SUPT4H1: variants seen among roughly 807,000 people sequenced by gnomAD.
SUPT4H1 encodes transcription elongation factor SPT4.
A neutral mutation model predicts 19.4 loss-of-function variants in SUPT4H1; 12 were observed. The ratio of observed to expected loss-of-function variants is 0.62; its 90% confidence interval spans 0.40 to 1.00. SUPT4H1 has a LOEUF of 1.00. Among genes scored for constraint, SUPT4H1 ranks in the 50% least tolerant of loss-of-function variants. The probability of loss-of-function intolerance (pLI) is 0.00; values close to 1 mark genes in which losing one functional copy is unlikely to be tolerated. For synonymous variants in SUPT4H1, 58 were observed against 56.3 expected, an observed-to-expected ratio of 1.03 and a Z score of -0.14; for missense variants, 115 against 149.2, an observed-to-expected ratio of 0.77 and a Z score of 1.19.
rs117990663 is a variant in SUPT4H1 at position 58,346,924 on chromosome 17, G to C, written c.286+264C>G. Among the ~76,000 whole-genome samples, 1,001 of 151,986 alleles carry C rather than the reference G, an allele frequency of 6.6e-3. 6 individuals carry two copies. The highest frequency in any genetic ancestry group is 9.9e-3 in the Non-Finnish European group (670 of 67,958). On this transcript the variant is annotated intron_variant, in intron 4 of 4. Coordinates refer to ENST00000225504, the MANE Select transcript of SUPT4H1 (RefSeq NM_003168.3). ...AGCCCAGGAGTTAGAGTCCAGCCTGGGCAACATAGTGAGACCTTGTCTCTA... is the reference window on the plus strand; with the variant it reads ...AGCCCAGGAGTTAGAGTCCAGCCTGCGCAACATAGTGAGACCTTGTCTCTA...
At chr17:58,351,877 C>G (rs1486214087) in intron 1 of SUPT4H1, 190 bp downstream of exon 1, 11 of 626,114 alleles carry the variant, frequency 1.8e-5, no homozygotes, top group African/African-American at 5.5e-5. Context: ...AAGACCGCCC[C>G]TGCCCTCAGC....
At chr17:58,347,736 G>T in intron 2 of SUPT4H1, 152 bp from the exon 3 acceptor site, 1 of 710,056 alleles carries the variant, frequency 1.4e-6, no homozygotes, top group South Asian at 1.6e-5. Context: ...CTGACTCAAA[G>T]CTAGGACTGA....
At chr17:58,349,781 A>C (rs2526376) in intron 2 of SUPT4H1, among the ~76,000 whole-genome samples, 88,485 of 151,924 alleles carry the variant, frequency 0.58, 25,917 homozygotes, top group Non-Finnish European at 0.62. Context: ...AAAGAAGCTA[A>C]AAAATGCTAC....
At chr17:58,350,460 G>A (rs1459701833) in intron 2 of SUPT4H1, among the ~76,000 whole-genome samples, 25 of 151,938 alleles carry the variant, frequency 1.6e-4, no homozygotes, top group African/African-American at 5.3e-4. Context: ...GCAGTGAGCC[G>A]AGATTGCGCC....
chr17:58,350,653 T>C (rs1187042987), intron 2 of SUPT4H1, among the ~76,000 whole-genome samples: 1 of 151,478 alleles, frequency 6.6e-6, no homozygotes, highest in African/African-American at 2.4e-5. Flanking sequence ...CTGGCCAACA[T>C]GGTGAAACCC....
chr17:58,351,208 T>C (rs1169647082), intron 2 of SUPT4H1, among the ~76,000 whole-genome samples, 194 bp downstream of exon 2: 1 of 138,798 alleles, frequency 7.2e-6, no homozygotes. Flanking sequence ...GCTATGATCA[T>C]GCCACTGCAC....
rs374438210 is a variant in SUPT4H1 at position 58,351,734 on chromosome 17, G to T, written c.70-226C>A. The T allele has an allele frequency of 3.5e-4, 203 of 576,370 alleles. 4 individuals carry two copies. Among genetic ancestry groups the T allele is most frequent in the South Asian group, 2.3e-3 (108 of 46,648 alleles). The allele number at this position is 576,370 out of a possible 1,614,324, so 35.7% of individuals were successfully genotyped here. ...TCCGTTTTATCTATTCCTTTCTCTAGTCTACTCAGGGTCAGGCATCCTTTC... is the reference window on the plus strand; with the variant it reads ...TCCGTTTTATCTATTCCTTTCTCTATTCTACTCAGGGTCAGGCATCCTTTC... On this transcript the variant is annotated intron_variant, in intron 1 of 4. Transcript: ENST00000225504.
Position 58,346,000 on chromosome 17 carries a change from G to A in SUPT4H1, c.*246C>T, listed in dbSNP as rs1228433638. On this transcript the variant is annotated 3_prime_UTR_variant, in exon 5 of 5. Coordinates refer to ENST00000225504, the MANE Select transcript of SUPT4H1 (RefSeq NM_003168.3). ...GGGGAAGGCACAGACCTGGGCCACGGGTAGGAAAATCAGCATCCTACTCTC... is the reference window on the plus strand; with the variant it reads ...GGGGAAGGCACAGACCTGGGCCACGAGTAGGAAAATCAGCATCCTACTCTC... The A allele has an allele frequency of 4.4e-6, 2 of 459,218 alleles. No individual in the cohort carries two copies. Among genetic ancestry groups the A allele is most frequent in the Non-Finnish European group, 8.0e-6 (2 of 250,770 alleles). The allele number at this position is 459,218 out of a possible 1,614,324, so 28.4% of individuals were successfully genotyped here.
At chr17:58,350,836 C>CAAAA (rs35040111) in intron 2 of SUPT4H1, among the ~76,000 whole-genome samples, 94 of 81,808 alleles carry the variant, frequency 1.1e-3, no homozygotes, top group Non-Finnish European at 1.5e-3. Context: ...AAAGTCTGTC[C>CAAAA]AAAAAAAAAA....
chr17:58,347,678 G>A, intron 2 of SUPT4H1, 94 bp from the exon 3 acceptor site: 1 of 1,276,470 alleles, frequency 7.8e-7, no homozygotes. Context: ...CAAGTACCGA[G>A]TCTCCACTGG....
rs369316300 is a variant in SUPT4H1, at chr17:58,352,177, G to C, written c.-42C>G. 5 of 1,593,256 alleles carry C rather than the reference G, an allele frequency of 3.1e-6. No homozygotes were observed. The highest frequency in any genetic ancestry group is 2.2e-5 in the East Asian group (1 of 44,696). On this transcript the variant is annotated 5_prime_UTR_variant, in exon 1 of 5. Transcript: ENST00000225504. ...AACAACAGGGAGATAGACGACCACA[G>C]CCTGTGCACCCGCAGGAAGTAAATA...
chr17:58,347,760 T>C, intron 2 of SUPT4H1, 176 bp from the exon 3 acceptor site: 1 of 649,820 alleles, frequency 1.5e-6, no homozygotes, highest in Non-Finnish European at 2.8e-6. Flanking sequence ...AAGTTCTTCA[T>C]TCTTATGTCC....
intron 4 of SUPT4H1, 107 bp downstream of exon 4, chr17:58,347,081 G>A: frequency 8.7e-7 from 1 of 1,154,238 alleles, no homozygotes; most frequent in Non-Finnish European, 1.3e-6. Context: ...CCCCCCATCT[G>A]TAAAATGCTG....
chr17:58,351,595 G>A lies in SUPT4H1; in HGVS notation c.70-87C>T, dbSNP rs775380869. 6 of 883,724 alleles carry A rather than the reference G, an allele frequency of 6.8e-6. No homozygotes were observed. In the Admixed American group the frequency reaches 7.9e-5, roughly 12 times the overall value. The allele number at this position is 883,724 out of a possible 1,614,324, so 54.7% of individuals were successfully genotyped here. On this transcript the variant is annotated intron_variant, in intron 1 of 4. Coordinates refer to ENST00000225504, the MANE Select transcript of SUPT4H1 (RefSeq NM_003168.3). ...AGTAGCTTTCTCAATACTTCGACCT[G>A]CTCAATTTCTTGTTTCCCTATGTTG... is the stretch of plus-strand genomic sequence containing the variant.
chr17:58,348,236 A>T (rs1972363641), intron 2 of SUPT4H1, among the ~76,000 whole-genome samples: 2 of 152,340 alleles, frequency 1.3e-5, no homozygotes, highest in Non-Finnish European at 2.9e-5. Flanking sequence ...AAGGGCTAGA[A>T]GATGCTGCTT....
intron 2 of SUPT4H1, among the ~76,000 whole-genome samples, chr17:58,348,207 A>G (rs1024928966): frequency 2.6e-5 from 4 of 152,200 alleles, no homozygotes; most frequent in African/African-American, 7.2e-5. Flanking sequence ...GTGATTCCAG[A>G]GGAATGGTAA....
At chr17:58,349,467 C>T (rs1972407824) in intron 2 of SUPT4H1, among the ~76,000 whole-genome samples, 2 of 152,204 alleles carry the variant, frequency 1.3e-5, no homozygotes, top group Admixed American at 6.5e-5. Flanking sequence ...GTGTTAAATG[C>T]ACTTTTGGCT....
chr17:58,346,163 A>G lies in SUPT4H1; in HGVS notation c.*83T>C, dbSNP rs543802237. On this transcript the variant is annotated 3_prime_UTR_variant, in exon 5 of 5. Transcript: ENST00000225504. ...TGAATTGGAGGGTAGGAAGTATTTG[A>G]AGTTCTGTTCATTTAGTTCCAGAAC... The G allele has an allele frequency of 1.8e-6, 2 of 1,112,598 alleles. No homozygotes were observed. The highest frequency in any genetic ancestry group is 3.4e-5 in the Admixed American group (2 of 58,206). The allele number at this position is 1,112,598 out of a possible 1,614,324, so 68.9% of individuals were successfully genotyped here. A position where few individuals can be genotyped will look rare whatever the true frequency, so the allele number is the denominator to read the frequency against.
intron 1 of SUPT4H1, chr17:58,351,722 T>G: frequency 1.7e-6 from 1 of 580,844 alleles, no homozygotes; most frequent in Non-Finnish European, 3.1e-6. Flanking sequence ...GTTTTATCTA[T>G]TCCTTTCTCT....
Sources: gnomAD v4.1 joint callset for allele counts (sites outside exome capture counted in the v4.1 genomes callset) on GRCh38, gnomAD v4.1.1 for gene constraint, MANE v1.5 for transcripts, NCBI Gene and HGNC (gene_info 2026-07-23, HGNC 2026-07-21) for gene names.